Variants in SCEL observed in about 807,000 individuals in gnomAD.
SCEL encodes sciellin.
In SCEL, 113 loss-of-function variants were observed where a neutral mutation model predicts 117.6. The ratio of observed to expected loss-of-function variants is 0.96; its 90% CI spans 0.83 to 1.12. The LOEUF is 1.12. Among genes scored for constraint, SCEL ranks in the 50% most tolerant of loss-of-function variants. SCEL has a pLI of 0.00. For synonymous variants in SCEL, 270 were observed against 256.2 expected (o/e 1.05, Z -0.51); for missense variants, 785 against 810.8 (o/e 0.97, Z 0.39).
intron 9 of SCEL, among the ~76,000 whole-genome samples, chr13:77,579,376 T>C (rs990106255): frequency 1.3e-5 from 2 of 152,252 alleles, no homozygotes; most frequent in African/African-American, 4.8e-5. Flanking sequence ...GATTGATAGA[T>C]TGATTTTAAT....
intron 28 of SCEL, among the ~76,000 whole-genome samples, chr13:77,631,271 A>C (rs1468916059): frequency 6.6e-6 from 1 of 152,244 alleles, no homozygotes; most frequent in Non-Finnish European, 1.5e-5. Context: ...GGTTCTAAAT[A>C]ACAAAAAATT....
intron 2 of SCEL, 43 bp from the exon 3 acceptor site, chr13:77,556,553 C>T: frequency 1.3e-6 from 2 of 1,539,404 alleles, no homozygotes; most frequent in Non-Finnish European, 1.8e-6. Context: ...ACGCTCAACT[C>T]CACACTATTA....
chr13:77,551,954 T>A (rs1357005757), intron 1 of SCEL, among the ~76,000 whole-genome samples: 3 of 151,016 alleles, frequency 2.0e-5, no homozygotes, highest in African/African-American at 7.3e-5. Context: ...GTTTGGTTTT[T>A]TGTTCTTACG....
At chr13:77,613,753 T>G (rs574659213) in intron 23 of SCEL, 140 bp from the exon 24 acceptor site, 1 of 686,384 alleles carries the variant, frequency 1.5e-6, no homozygotes, top group East Asian at 2.7e-5. Flanking sequence ...ATTAAAAAAA[T>G]GGTAACTAAT....
chr13:77,560,904 T>C (rs2084943009), intron 4 of SCEL, among the ~76,000 whole-genome samples: 2 of 151,718 alleles, frequency 1.3e-5, no homozygotes, highest in Non-Finnish European at 2.9e-5. Context: ...GGGACACGTC[T>C]ATTTTGGAAA....
At chr13:77,641,689 T>C (rs936772608) in intron 31 of SCEL, among the ~76,000 whole-genome samples, 7 of 152,286 alleles carry the variant, frequency 4.6e-5, no homozygotes, top group African/African-American at 1.7e-4. Flanking sequence ...TTGGAGAAAC[T>C]ATGGGCCAAA....
chr13:77,538,115 CTTTT>C (rs35197581), intron 1 of SCEL, among the ~76,000 whole-genome samples: 4 of 128,970 alleles, frequency 3.1e-5, no homozygotes, highest in Non-Finnish European at 5.1e-5. Flanking sequence ...AATCAAAAGT[CTTTT>C]TTTTTTTTTT....
intron 27 of SCEL, among the ~76,000 whole-genome samples, chr13:77,623,762 G>T (rs1402423481): frequency 2.0e-5 from 3 of 152,206 alleles, no homozygotes; most frequent in African/African-American, 7.2e-5. Flanking sequence ...CAGGTGGGCA[G>T]TGTCTACAGC....
At chr13:77,573,031 A>G (rs2085732775) in intron 9 of SCEL, among the ~76,000 whole-genome samples, 1 of 152,218 alleles carries the variant, frequency 6.6e-6, no homozygotes, top group Non-Finnish European at 1.5e-5. Context: ...TAAGCGACAA[A>G]TGAATATTTT....
At position 77,591,287 on chromosome 13, in the gene SCEL, C is replaced by T. The variant is rs951939461; in HGVS notation, c.627-108C>T. On this transcript the variant is annotated intron_variant, in intron 10 of 32. Transcript: ENST00000349847. ...TGTTATCTCAGGTAGTGTTATGGTT[C>T]CAACAAACACTGATCTTTTTGTACA... 72 of 738,012 alleles carry T rather than the reference C, an allele frequency of 9.8e-5. No homozygotes were observed. The Admixed American group carries it at 1.8e-3, about 19-fold the overall frequency. 45.7% of individuals were successfully genotyped at this position (738,012 alleles called of 1,614,324 possible).
chr13:77,574,008 A>C (rs2085796692), intron 9 of SCEL, among the ~76,000 whole-genome samples: 1 of 152,228 alleles, frequency 6.6e-6, no homozygotes, highest in Non-Finnish European at 1.5e-5. Context: ...GAGTATTGTT[A>C]AGATCCATTC....
intron 10 of SCEL, among the ~76,000 whole-genome samples, chr13:77,590,132 A>G (rs2086787571): frequency 6.6e-6 from 1 of 152,106 alleles, no homozygotes; most frequent in African/African-American, 2.4e-5. Flanking sequence ...CAACCATAGA[A>G]CTACTTTTTA....
Position 77,589,226 on chromosome 13 carries a change from TA to T in SCEL, c.626+4del. 6.3e-7 allele frequency: 1 copy of T among 1,595,484 alleles called. No homozygotes were observed. The highest frequency in any genetic ancestry group is 8.6e-7 in the Non-Finnish European group (1 of 1,163,408). Reference sequence around the variant, plus strand: ...TAACCAGCTGAGACAGGATAATAGGTAAGACCTAGTACTCCAGAATTTCTTG... The same window carrying T: ...TAACCAGCTGAGACAGGATAATAGGTAGACCTAGTACTCCAGAATTTCTTG... On this transcript the variant is annotated splice_donor_region_variant and intron_variant, in intron 10 of 32. Transcript: ENST00000349847.
At chr13:77,605,348 G>A (rs909921226) in intron 19 of SCEL, among the ~76,000 whole-genome samples, 7 of 152,138 alleles carry the variant, frequency 4.6e-5, no homozygotes, top group African/African-American at 9.7e-5. Context: ...CAGAGGCACC[G>A]CGACCCAATG....
At chr13:77,603,508 A>T (rs2087875620) in intron 18 of SCEL, among the ~76,000 whole-genome samples, 1 of 152,138 alleles carries the variant, frequency 6.6e-6, no homozygotes, top group South Asian at 2.1e-4. Flanking sequence ...AGCTCCTCTA[A>T]GGGTGGTGGT....
At chr13:77,594,012 TCCTTCC>T (rs5804917) in intron 12 of SCEL, among the ~76,000 whole-genome samples, 141,518 of 151,702 alleles carry the variant, frequency 0.93, 66,064 homozygotes, top group South Asian at 0.96. Flanking sequence ...TTCTTCCTTC[TCCTTCC>T]CCTTCCCCTT....
rs570223716 is a variant in SCEL, at chr13:77,579,055, G to A, written c.545+6866G>A. Among the ~76,000 whole-genome samples, 35 of 152,292 alleles carry A rather than the reference G, an allele frequency of 2.3e-4. No individual in the cohort carries two copies. In the South Asian group the frequency reaches 3.9e-3, roughly 17 times the overall value. On this transcript the variant is annotated intron_variant, in intron 9 of 32. Coordinates refer to ENST00000349847, the MANE Select transcript of SCEL (RefSeq NM_144777.3). ...GCTAAGGTTACATGGTAAAGGTAAG[G>A]TGTAATGAGAGGTAGGTAGGGTGAA...
intron 30 of SCEL, among the ~76,000 whole-genome samples, chr13:77,639,748 G>A (rs984205077): frequency 2.0e-5 from 3 of 152,052 alleles, no homozygotes; most frequent in African/African-American, 7.2e-5. Flanking sequence ...AGAGAAAAGT[G>A]CACTTCATAT....
rs1426734380 is a variant in SCEL, at chr13:77,568,173, CTTTCTA to C, written c.360-116_360-111del. The C allele has an allele frequency of 2.7e-5, 17 of 636,298 alleles. No homozygotes were observed. In the East Asian group the frequency reaches 5.2e-4, roughly 19 times the overall value. The allele number at this position is 636,298 out of a possible 1,614,324, so 39.4% of individuals were successfully genotyped here. A position where few individuals can be genotyped will look rare whatever the true frequency, so the allele number is the denominator to read the frequency against. On this transcript the variant is annotated intron_variant, in intron 6 of 32. Coordinates refer to ENST00000349847, the MANE Select transcript of SCEL (RefSeq NM_144777.3). Reference sequence around the variant, plus strand: ...TTATGAAATTTATTAAAATATGATGCTTTCTATTTCTTTCTCTCACCAGTGTCTAAC... The same window carrying C: ...TTATGAAATTTATTAAAATATGATGCTTTCTTTCTCTCACCAGTGTCTAAC...
Sources: allele counts gnomAD v4.1 joint callset (sites outside exome capture counted in the v4.1 genomes callset), GRCh38; gene constraint gnomAD v4.1.1; transcripts MANE v1.5; gene names NCBI Gene and HGNC (gene_info 2026-07-23, HGNC 2026-07-21).